The following CNTNAP2 variants were observed in gnomAD, a reference collection of about 807,000 sequenced individuals.
CNTNAP2 encodes contactin associated protein 2.
In CNTNAP2, 98 loss-of-function variants were observed where a neutral mutation model predicts 155.2. The observed-to-expected ratio is 0.63, with a 90% CI of 0.54 to 0.75. The LOEUF is 0.75. CNTNAP2 is among the 30% of genes least tolerant of loss of function. The pLI, the probability that CNTNAP2 is intolerant of heterozygous loss-of-function variation, is 0.00. For synonymous variants in CNTNAP2, 651 were observed against 631.2 expected (o/e 1.03, Z -0.47); for missense variants, 1,727 against 1,688.1 (o/e 1.02, Z -0.40).
intron 8 of CNTNAP2, among the ~76,000 whole-genome samples, chr7:147,243,411 A>G (rs543077972): frequency 8.5e-5 from 13 of 152,284 alleles, no homozygotes; most frequent in African/African-American, 2.9e-4. Context: ...GTCCTCTTCC[A>G]GCACGCACCC....
intron 2 of CNTNAP2, among the ~76,000 whole-genome samples, chr7:146,783,777 A>G (rs1042509909): frequency 3.3e-5 from 5 of 152,234 alleles, no homozygotes; most frequent in African/African-American, 1.2e-4. Context: ...GTATATACAT[A>G]CAAGTTTCCA....
chr7:146,992,553 C>T (rs1303533964), intron 3 of CNTNAP2, among the ~76,000 whole-genome samples: 2 of 152,040 alleles, frequency 1.3e-5, no homozygotes, highest in Non-Finnish European at 2.9e-5. Flanking sequence ...AGGTTCCACC[C>T]CAGAACAGGA....
At chr7:146,482,569 C>T (rs1224948898) in intron 1 of CNTNAP2, among the ~76,000 whole-genome samples, 1 of 151,670 alleles carries the variant, frequency 6.6e-6, no homozygotes, top group Non-Finnish European at 1.5e-5. Flanking sequence ...ATGGTGAAAC[C>T]CCATCTCTAC....
intron 11 of CNTNAP2, among the ~76,000 whole-genome samples, chr7:147,533,899 A>G (rs1182787263): frequency 6.6e-6 from 1 of 152,248 alleles, no homozygotes; most frequent in Non-Finnish European, 1.5e-5. Flanking sequence ...AAACCATTAG[A>G]ACTAGTATTA....
chr7:146,509,543 T>C (rs1278055271), intron 1 of CNTNAP2, among the ~76,000 whole-genome samples: 3 of 152,138 alleles, frequency 2.0e-5, no homozygotes, highest in Non-Finnish European at 4.4e-5. Context: ...AGCCCACCCC[T>C]GGGGCCTCAA....
intron 11 of CNTNAP2, 24 bp downstream of exon 11, chr7:147,486,065 T>C (rs759998388): frequency 9.2e-5 from 146 of 1,579,972 alleles, no homozygotes; most frequent in Non-Finnish European, 1.2e-4. Flanking sequence ...TATCTCACTT[T>C]AATCTTGTAA....
At chr7:147,818,880 G>C (rs1019945670) in intron 13 of CNTNAP2, among the ~76,000 whole-genome samples, 10 of 152,198 alleles carry the variant, frequency 6.6e-5, no homozygotes, top group Admixed American at 6.5e-4. Flanking sequence ...TTACTTCAGA[G>C]ACAGGGAAGG....
chr7:147,275,539 A>C (rs1804876842), intron 8 of CNTNAP2, among the ~76,000 whole-genome samples: 1 of 152,014 alleles, frequency 6.6e-6, no homozygotes, highest in Admixed American at 6.6e-5. Context: ...TGTATCCTGA[A>C]ACCTTACTGA....
At chr7:146,419,756 C>T (rs951421966) in intron 1 of CNTNAP2, among the ~76,000 whole-genome samples, 8 of 152,066 alleles carry the variant, frequency 5.3e-5, no homozygotes, top group African/African-American at 1.9e-4. Context: ...ATCCAAAAGA[C>T]ACAAATATTG....
chr7:148,026,505 C>T (rs374643980), intron 15 of CNTNAP2, among the ~76,000 whole-genome samples: 13 of 152,204 alleles, frequency 8.5e-5, no homozygotes, highest in East Asian at 1.9e-4. Flanking sequence ...TTAAAGCATT[C>T]TGTGTAGGGG....
intron 3 of CNTNAP2, among the ~76,000 whole-genome samples, chr7:146,872,233 A>T (rs1204585282): frequency 6.6e-6 from 1 of 150,756 alleles, no homozygotes; most frequent in Non-Finnish European, 1.5e-5. Context: ...ACCTGTATGA[A>T]AACAGATATC....
At chr7:146,144,027 G>A (rs550560779) in intron 1 of CNTNAP2, among the ~76,000 whole-genome samples, 2 of 152,248 alleles carry the variant, frequency 1.3e-5, no homozygotes, top group East Asian at 3.9e-4. Context: ...CTCCCGATAT[G>A]CTAGGATTAC....
intron 8 of CNTNAP2, among the ~76,000 whole-genome samples, chr7:147,280,241 G>A (rs1031230925): frequency 6.6e-6 from 1 of 151,846 alleles, no homozygotes; most frequent in Non-Finnish European, 1.5e-5. Flanking sequence ...TTGAGAACGG[G>A]CTGGGAATAA....
intron 1 of CNTNAP2, among the ~76,000 whole-genome samples, chr7:146,643,045 G>T (rs1474215925): frequency 2.8e-5 from 4 of 144,320 alleles, no homozygotes; most frequent in Non-Finnish European, 1.5e-5. Flanking sequence ...GTTCATTGTA[G>T]ATTCTGGATA....
chr7:147,149,504 G>A (rs1801782053), intron 8 of CNTNAP2, among the ~76,000 whole-genome samples: 1 of 152,190 alleles, frequency 6.6e-6, no homozygotes, highest in African/African-American at 2.4e-5. Flanking sequence ...AGTTTGGAGA[G>A]GTAGGTAGAG....
At chr7:146,158,920 A>G (rs944080040) in intron 1 of CNTNAP2, among the ~76,000 whole-genome samples, 2 of 152,128 alleles carry the variant, frequency 1.3e-5, no homozygotes, top group African/African-American at 4.8e-5. Flanking sequence ...AAGAAGAGCA[A>G]CTCCAAGATA....
intron 2 of CNTNAP2, among the ~76,000 whole-genome samples, chr7:146,803,393 A>G (rs1396581608): frequency 6.6e-6 from 1 of 152,204 alleles, no homozygotes. Context: ...CACAGGGTGG[A>G]CTAGAGACAA....
chr7:146,547,174 A>T (rs1299319008), intron 1 of CNTNAP2, among the ~76,000 whole-genome samples: 1 of 151,960 alleles, frequency 6.6e-6, no homozygotes, highest in African/African-American at 2.4e-5. Context: ...TGTTTTGCAT[A>T]AGAGTCTGGT....
intron 14 of CNTNAP2, among the ~76,000 whole-genome samples, chr7:147,962,085 T>C (rs1801128305): frequency 6.6e-6 from 1 of 152,238 alleles, no homozygotes; most frequent in Non-Finnish European, 1.5e-5. Flanking sequence ...TAGTAAATTA[T>C]GTGCTCCTTG....
Sources: allele counts gnomAD v4.1 joint callset (sites outside exome capture counted in the v4.1 genomes callset), GRCh38; gene constraint gnomAD v4.1.1; transcripts MANE v1.5; gene names NCBI Gene and HGNC (gene_info 2026-07-23, HGNC 2026-07-21).